The following APC variants were observed in gnomAD, a reference collection of about 807,000 sequenced individuals.
APC encodes adenomatous polyposis coli protein.
In APC, 72 loss-of-function variants were observed where a neutral mutation model predicts 247.0. That is an observed-to-expected ratio of 0.29 (90% CI 0.24 to 0.35). The LOEUF (loss-of-function observed/expected upper bound fraction) is 0.35, where lower values mean the gene tolerates loss of function less well. APC is among the 10% of genes least tolerant of loss of function. APC has a pLI of 1.00. For missense variants in APC, 3,400 were observed against 3,360.7 expected (o/e 1.01, Z -0.29); for synonymous variants, 1,254 against 1,162.5 (o/e 1.08, Z -1.60).
rs1253051713 is a variant in APC, at chr5:112,838,622, A to G, written c.3028A>G (p.Ser1010Gly). 6.2e-7 allele frequency: 1 copy of G among 1,614,154 alleles called. No individual in the cohort carries two copies. The highest frequency in any genetic ancestry group is 8.5e-7 in the Non-Finnish European group (1 of 1,180,006). The change falls in exon 16 of 16, where the codon AGT becomes GGT. Residue 1010 changes from serine to glycine, a missense_variant. Physicochemically the swap from Ser to Gly is moderately conservative, Grantham distance 56. This residue lies in a region of APC where 715 missense variants were observed against 656.6 expected (regional missense o/e 1.09). Coordinates refer to ENST00000257430, the MANE Select transcript of APC (RefSeq NM_000038.6). The part of the protein sequence containing the change: ...YPADLAHKIH[S>G]ANHMDDNDGE... Reference sequence around the variant, plus strand: ...AGCCGACCTAGCCCATAAAATACATAGTGCAAATCATATGGATGATAATGA... The same window carrying G: ...AGCCGACCTAGCCCATAAAATACATGGTGCAAATCATATGGATGATAATGA...
rs1613148 is a variant in APC at position 112,803,727 on chromosome 5, A to G, written c.834+2344A>G. 0.24 allele frequency among the ~76,000 whole-genome samples: 37,152 copies of G among 152,110 alleles called. 6,049 individuals carry two copies. Among genetic ancestry groups the G allele is most frequent in the African/African-American group, 0.47 (19,418 of 41,466 alleles). On this transcript the variant is annotated intron_variant, in intron 8 of 15. Coordinates refer to ENST00000257430, the MANE Select transcript of APC (RefSeq NM_000038.6). ...GAATTGATAATTGAAAAGGACAGAC[A>G]GTCCTTGGCCTCATGGAACCTATAT...
intron 1 of APC, among the ~76,000 whole-genome samples, chr5:112,746,612 C>A (rs961889201): frequency 6.6e-6 from 1 of 152,006 alleles, no homozygotes; most frequent in African/African-American, 2.4e-5. Context: ...TATGATTATA[C>A]AAAAAAGTGC....
intron 1 of APC, among the ~76,000 whole-genome samples, chr5:112,747,803 C>A (rs1753858116): frequency 6.6e-6 from 1 of 152,070 alleles, no homozygotes; most frequent in African/African-American, 2.4e-5. Context: ...TCCAACATGG[C>A]AGGTTGGAAA....
intron 15 of APC, among the ~76,000 whole-genome samples, chr5:112,836,009 CTTTTTTTTTTTT>C (rs371484714): frequency 5.6e-5 from 6 of 106,338 alleles, no homozygotes; most frequent in African/African-American, 8.5e-5. Flanking sequence ...ATACAACTGT[CTTTTTTTTTTTT>C]TTTTTTTTTT....
chr5:112,753,621 C>T (rs1481258622), intron 1 of APC, among the ~76,000 whole-genome samples: 1 of 152,138 alleles, frequency 6.6e-6, no homozygotes, highest in African/African-American at 2.4e-5. Flanking sequence ...TCCCCTTCCT[C>T]CTCAGATGTC....
chr5:112,721,472 T>A (rs559422403), intron 1 of APC, among the ~76,000 whole-genome samples: 1 of 152,228 alleles, frequency 6.6e-6, no homozygotes, highest in South Asian at 2.1e-4. Flanking sequence ...GATTTTTGGT[T>A]AAGAATTTGG....
At chr5:112,814,919 A>G (rs1762342702) in intron 8 of APC, among the ~76,000 whole-genome samples, 1 of 152,220 alleles carries the variant, frequency 6.6e-6, no homozygotes, top group Non-Finnish European at 1.5e-5. Context: ...CTGATTTTAT[A>G]CAGCCTCTAA....
At chr5:112,836,235 T>TGGCCA (rs1764931862) in intron 15 of APC, among the ~76,000 whole-genome samples, 1 of 144,896 alleles carries the variant, frequency 6.9e-6, no homozygotes, top group South Asian at 2.3e-4. Flanking sequence ...TTCACCATGT[T>TGGCCA]GGCCAGGCTG....
chr5:112,781,480 G>A (rs987437557), intron 6 of APC, among the ~76,000 whole-genome samples: 2 of 152,068 alleles, frequency 1.3e-5, no homozygotes, highest in Non-Finnish European at 2.9e-5. Flanking sequence ...ATGTTTTAAA[G>A]CCCTGAAGAG....
chr5:112,774,925 T>A (rs1757452185), intron 4 of APC, among the ~76,000 whole-genome samples: 1 of 152,204 alleles, frequency 6.6e-6, no homozygotes, highest in Non-Finnish European at 1.5e-5. Context: ...CTAAGAAAAT[T>A]ATAACAGTGG....
At chr5:112,773,590 T>C (rs142060294) in intron 4 of APC, among the ~76,000 whole-genome samples, 21 of 152,342 alleles carry the variant, frequency 1.4e-4, no homozygotes, top group Non-Finnish European at 2.6e-4. Context: ...GTTATATGTA[T>C]TATATACTAT....
chr5:112,843,481 C>T lies in APC; in HGVS notation c.7887C>T (p.Thr2629=), dbSNP rs754051042. 3.7e-6 allele frequency: 6 copies of T among 1,613,748 alleles called. No homozygotes were observed. The highest frequency in any genetic ancestry group is 2.2e-5 in the East Asian group (1 of 44,878). ...EFSPTNSTSQ[T]VSSGATNGAE... ...CTCCCACAAATAGTACTTCTCAGAC[C>T]GTTTCCTCAGGTGCTACAAATGGTG... is the stretch of plus-strand genomic sequence containing the variant. Residue 2629 remains threonine, a synonymous_variant, in exon 16 of 16, where the codon ACC becomes ACT. Transcript: ENST00000257430. This position sits in a 1 kb window ranked among gnomAD's most constrained non-coding sequence, Gnocchi z 4.8.
chr5:112,774,279 T>G (rs969322989), intron 4 of APC, among the ~76,000 whole-genome samples: 2 of 152,236 alleles, frequency 1.3e-5, no homozygotes. Context: ...TAGAAAATTC[T>G]CCAAAATCCT....
rs1481102347 is a variant in APC at position 112,839,300 on chromosome 5, G to C, written c.3706G>C (p.Ala1236Pro). The part of the protein sequence containing the change: ...KRQNQLHPSS[A>P]QSRSGQPQKA... ...GCAGAATCAGCTCCATCCAAGTTCT[G>C]CACAGAGTAGAAGTGGTCAGCCTCA... The change falls in exon 16 of 16, where the codon GCA (alanine) becomes CCA (proline). Residue 1236 changes from alanine to proline, a missense_variant. Coordinates refer to ENST00000257430, the MANE Select transcript of APC (RefSeq NM_000038.6). This position sits in a 1 kb window ranked among gnomAD's most constrained non-coding sequence, Gnocchi z 5.0. 1 of 1,614,106 alleles carries C rather than the reference G, an allele frequency of 6.2e-7. No homozygotes were observed. Among genetic ancestry groups the C allele is most frequent in the Non-Finnish European group, 8.5e-7 (1 of 1,180,022 alleles).
At chr5:112,766,542 C>G (rs1039857106) in intron 3 of APC, 132 bp downstream of exon 3, 6 of 640,822 alleles carry the variant, frequency 9.4e-6, no homozygotes, top group African/African-American at 5.5e-5. Context: ...GCCTTACCCT[C>G]AGGATGTAAT....
Position 112,838,081 on chromosome 5 carries a change from A to G in APC, c.2487A>G (p.Thr829=), listed in dbSNP as rs774460348. The G allele has an allele frequency of 1.9e-6, 3 of 1,614,230 alleles. No individual in the cohort carries two copies. The South Asian group carries it at 3.3e-5, about 18-fold the overall frequency. The change falls in exon 16 of 16, where the codon ACA becomes ACG. Residue 829 remains threonine, a synonymous_variant. Coordinates refer to ENST00000257430, the MANE Select transcript of APC (RefSeq NM_000038.6). ...TCCTTTCACCATATTTGAATACTAC[A>G]GTGTTACCCAGCTCCTCTTCATCAA... ...MTVLSPYLNT[T]VLPSSSSSRG... is the part of the protein sequence containing the mutation.
Position 112,820,736 on chromosome 5 carries a change from C to T in APC, c.1313-1160C>T, listed in dbSNP as rs188209568. 1.2e-3 allele frequency among the ~76,000 whole-genome samples: 188 copies of T among 152,256 alleles called. 1 individual carries two copies. The highest frequency in any genetic ancestry group is 0.012 in the South Asian group (58 of 4,826). On this transcript the variant is annotated intron_variant, in intron 10 of 15. Coordinates refer to ENST00000257430, the MANE Select transcript of APC (RefSeq NM_000038.6). The stretch of plus-strand genomic sequence containing the variant: ...TTACGTCAAATGAGTTTTGAAACCT[C>T]GTGCATAGTATTGAATGTGGAGGTA...
rs773539706 is a variant in APC at position 112,842,321 on chromosome 5, A to G, written c.6727A>G (p.Thr2243Ala). 5 of 1,613,862 alleles carry G rather than the reference A, an allele frequency of 3.1e-6. No individual in the cohort carries two copies. The highest frequency in any genetic ancestry group is 2.7e-5 in the African/African-American group (2 of 75,006). Residue 2243 changes from threonine (T) to alanine (A), a missense_variant, in exon 16 of 16, where the codon ACA (threonine) becomes GCA (alanine). Coordinates refer to ENST00000257430, the MANE Select transcript of APC (RefSeq NM_000038.6). Reference protein sequence around the residue: ...IPGVRNSSSSTSPVSKKGPPL... With the variant: ...IPGVRNSSSSASPVSKKGPPL... Reference sequence around the variant, plus strand: ...AGGAGTTCGAAATAGCTCCTCAAGTACAAGTCCTGTTTCTAAAAAAGGCCC... The same window carrying G: ...AGGAGTTCGAAATAGCTCCTCAAGTGCAAGTCCTGTTTCTAAAAAAGGCCC...
Position 112,838,707 on chromosome 5 carries a change from C to G in APC, c.3113C>G (p.Ser1038Cys), listed in dbSNP as rs1375326078. 1 of 1,614,142 alleles carries G rather than the reference C, an allele frequency of 6.2e-7. No individual in the cohort carries two copies. Among genetic ancestry groups the G allele is most frequent in the Non-Finnish European group, 8.5e-7 (1 of 1,180,032 alleles). ...AAATATTCAGATGAGCAGTTGAACT[C>G]TGGAAGGCAAAGTCCTTCACAGAAT... ...SLKYSDEQLN[S>C]GRQSPSQNER... Residue 1038 changes from serine (S) to cysteine (C), a missense_variant, in exon 16 of 16, where the codon TCT becomes TGT. Ser to Cys is a moderately radical substitution (Grantham distance 112). Coordinates refer to ENST00000257430, the MANE Select transcript of APC (RefSeq NM_000038.6).
Sources: gnomAD v4.1 joint callset for allele counts (sites outside exome capture counted in the v4.1 genomes callset) on GRCh38, gnomAD v4.1.1 for gene constraint, gnomAD v4.1.1 regional missense constraint, Gnocchi (gnomAD v3.1) non-coding constraint, MANE v1.5 for transcripts, NCBI Gene and HGNC (gene_info 2026-07-23, HGNC 2026-07-21) for gene names.